The following ENAH variants were observed in gnomAD, a reference collection of about 807,000 sequenced individuals.
ENAH encodes the protein protein enabled homolog.
ENAH carries 23 observed loss-of-function variants against 78.7 expected under a neutral mutation model. The observed-to-expected ratio is 0.29, with a 90% CI of 0.21 to 0.41. The LOEUF (loss-of-function observed/expected upper bound fraction) is 0.41, where lower values mean the gene tolerates loss of function less well. ENAH is among the 10% of genes least tolerant of loss of function. The pLI is 1.00. For synonymous variants in ENAH, 226 were observed against 241.0 expected (o/e 0.94, Z 0.58); for missense variants, 544 against 691.0 (o/e 0.79, Z 2.39).
rs553472273 is a variant in ENAH, at chr1:225,594,822, A to G, written c.6-27408T>C. On this transcript the variant is annotated intron_variant, in intron 1 of 13. Transcript: ENST00000366843. ...AGTTTCTCTTTATGACATCTTTGCT[A>G]TAAGTACAAAATACTTTATAGACAG... 4.6e-5 allele frequency among the ~76,000 whole-genome samples: 7 copies of G among 152,358 alleles called. No individual in the cohort carries two copies. In the East Asian group the frequency reaches 7.7e-4, roughly 17 times the overall value.
chr1:225,569,968 G>A (rs1200689669), intron 1 of ENAH, among the ~76,000 whole-genome samples: 3 of 152,060 alleles, frequency 2.0e-5, no homozygotes, highest in African/African-American at 7.2e-5. Flanking sequence ...CACTTTGGGA[G>A]GCCAAGGCAG....
intron 3 of ENAH, among the ~76,000 whole-genome samples, chr1:225,554,328 A>AT (rs995161934): frequency 2.6e-5 from 4 of 152,126 alleles, no homozygotes; most frequent in East Asian, 1.9e-4. Flanking sequence ...AAAAATTGAG[A>AT]TTTTTTTAAA....
intron 4 of ENAH, chr1:225,524,644 A>C: frequency 2.0e-6 from 2 of 985,404 alleles, no homozygotes; most frequent in Non-Finnish European, 2.4e-6. Context: ...CCGAAGGCCA[A>C]TAGGAGGGCT....
At chr1:225,620,528 CA>C (rs2148245696) in intron 1 of ENAH, among the ~76,000 whole-genome samples, 1 of 151,234 alleles carries the variant, frequency 6.6e-6, no homozygotes, top group Admixed American at 6.6e-5. Flanking sequence ...AAAACTGTCT[CA>C]AAAATGTCCC....
At chr1:225,563,331 G>A (rs2096718139) in intron 2 of ENAH, among the ~76,000 whole-genome samples, 1 of 152,128 alleles carries the variant, frequency 6.6e-6, no homozygotes, top group African/African-American at 2.4e-5. Context: ...ATCACTAAAT[G>A]AAAGTGATTA....
At chr1:225,591,354 G>A (rs1468253130) in intron 1 of ENAH, among the ~76,000 whole-genome samples, 2 of 151,972 alleles carry the variant, frequency 1.3e-5, no homozygotes, top group Non-Finnish European at 2.9e-5. Context: ...TGTAATCCCA[G>A]CTACTCAGGA....
chr1:225,532,017 T>C (rs570265307), intron 3 of ENAH, among the ~76,000 whole-genome samples: 1 of 152,058 alleles, frequency 6.6e-6, no homozygotes, highest in African/African-American at 2.4e-5. Context: ...AAAAAATTAA[T>C]CCCATGTAAT....
At chr1:225,634,076 T>G (rs1457515946) in intron 1 of ENAH, among the ~76,000 whole-genome samples, 3 of 152,262 alleles carry the variant, frequency 2.0e-5, no homozygotes, top group Admixed American at 2.0e-4. Context: ...CAAAAGCTGA[T>G]TTTTTTTCTT....
intron 1 of ENAH, among the ~76,000 whole-genome samples, chr1:225,651,372 T>C (rs1258461519): frequency 2.7e-5 from 4 of 149,792 alleles, no homozygotes; most frequent in Non-Finnish European, 5.9e-5. Context: ...AAAAGCAAAA[T>C]GGAAACACGT....
chr1:225,572,862 ACTTCAT>A (rs747178006), intron 1 of ENAH, among the ~76,000 whole-genome samples: 67 of 152,234 alleles, frequency 4.4e-4, no homozygotes, highest in Non-Finnish European at 7.1e-4. Flanking sequence ...AGTTAATTAT[ACTTCAT>A]CTTCTGATGT....
At chr1:225,564,273 C>T (rs1439068740) in intron 2 of ENAH, among the ~76,000 whole-genome samples, 3 of 151,848 alleles carry the variant, frequency 2.0e-5, no homozygotes, top group African/African-American at 7.3e-5. Context: ...CACATCACAC[C>T]TGGCTAGTTG....
chr1:225,542,568 C>T (rs1245195787), intron 3 of ENAH, among the ~76,000 whole-genome samples: 1 of 152,176 alleles, frequency 6.6e-6, no homozygotes, highest in African/African-American at 2.4e-5. Context: ...AAGAAGCAAC[C>T]TCTATCTAAA....
intron 1 of ENAH, among the ~76,000 whole-genome samples, chr1:225,615,439 GA>G (rs1464847214): frequency 6.6e-6 from 1 of 152,254 alleles, no homozygotes; most frequent in African/African-American, 2.4e-5. Context: ...AAAGTGCCGA[GA>G]TTGCAGCCTC....
chr1:225,532,652 C>G (rs939353596), intron 3 of ENAH, among the ~76,000 whole-genome samples: 4 of 151,998 alleles, frequency 2.6e-5, no homozygotes, highest in Non-Finnish European at 2.9e-5. Flanking sequence ...AAAACTAACA[C>G]AAGTTTAATG....
chr1:225,646,544 G>A (rs753126628), intron 1 of ENAH, among the ~76,000 whole-genome samples: 9 of 152,248 alleles, frequency 5.9e-5, no homozygotes, highest in East Asian at 1.9e-4. Context: ...TAGGCCGGGC[G>A]CTGTGGCTCC....
chr1:225,509,269 C>G (rs1239735815), intron 10 of ENAH, among the ~76,000 whole-genome samples: 2 of 151,984 alleles, frequency 1.3e-5, no homozygotes, highest in African/African-American at 4.8e-5. Flanking sequence ...TGAGGGACAC[C>G]GGGACAGGGA....
intron 1 of ENAH, among the ~76,000 whole-genome samples, chr1:225,625,857 C>T (rs1657857598): frequency 1.3e-5 from 2 of 152,276 alleles, no homozygotes; most frequent in South Asian, 2.1e-4. Flanking sequence ...CTATTGTCCT[C>T]TTTAGTTGAA....
At chr1:225,632,345 A>C (rs1659238189) in intron 1 of ENAH, among the ~76,000 whole-genome samples, 1 of 152,144 alleles carries the variant, frequency 6.6e-6, no homozygotes, top group Admixed American at 6.6e-5. Context: ...TGAAAATACA[A>C]AAATTAGTTG....
At chr1:225,643,206 A>AT (rs1661394363) in intron 1 of ENAH, among the ~76,000 whole-genome samples, 1 of 152,142 alleles carries the variant, frequency 6.6e-6, no homozygotes, top group Non-Finnish European at 1.5e-5. Context: ...ACAATATCTG[A>AT]TTTCCACTTT....
Sources: gnomAD v4.1 joint callset for allele counts (sites outside exome capture counted in the v4.1 genomes callset) on GRCh38, gnomAD v4.1.1 for gene constraint, MANE v1.5 for transcripts, NCBI Gene and HGNC (gene_info 2026-07-23, HGNC 2026-07-21) for gene names.